ADCK1: variants seen among roughly 807,000 people sequenced by gnomAD.
ADCK1 encodes the protein aarF domain containing kinase 1.
Under a neutral mutation model 52.3 loss-of-function variants are expected in ADCK1, and 41 were observed. The ratio of observed to expected loss-of-function variants is 0.78; its 90% CI spans 0.61 to 1.02. The LOEUF (loss-of-function observed/expected upper bound fraction) is 1.02, where lower values mean the gene tolerates loss of function less well. ADCK1 is among the 50% of genes least tolerant of loss of function. The pLI, the probability that ADCK1 is intolerant of heterozygous loss-of-function variation, is 0.00. For synonymous variants in ADCK1, 250 were observed against 274.6 expected (o/e 0.91, Z 0.89); for missense variants, 658 against 679.5 (o/e 0.97, Z 0.35).
chr14:77,802,248 A>G (rs2081125384), intron 1 of ADCK1, among the ~76,000 whole-genome samples: 1 of 151,818 alleles, frequency 6.6e-6, no homozygotes, highest in South Asian at 2.1e-4. Context: ...TGAGTTAATG[A>G]GCTAATAAGT....
intron 5 of ADCK1, 66 bp from the exon 6 acceptor site, chr14:77,899,032 AGG>A: frequency 6.3e-7 from 1 of 1,591,876 alleles, no homozygotes. Flanking sequence ...AGAACCAGGC[AGG>A]AAGGTAGGGA....
chr14:77,828,206 C>T (rs111515268), intron 3 of ADCK1, among the ~76,000 whole-genome samples: 1 of 152,094 alleles, frequency 6.6e-6, no homozygotes, highest in Non-Finnish European at 1.5e-5. Context: ...TCAGGTGATT[C>T]ACCTGCCTTG....
intron 6 of ADCK1, among the ~76,000 whole-genome samples, chr14:77,906,733 A>G (rs1285869160): frequency 1.3e-5 from 2 of 152,160 alleles, no homozygotes; most frequent in Non-Finnish European, 2.9e-5. Flanking sequence ...TCACATTCAC[A>G]TTCACTTTCG....
intron 1 of ADCK1, among the ~76,000 whole-genome samples, chr14:77,814,695 CA>C (rs995163952): frequency 0.032 from 1,134 of 35,918 alleles, 9 homozygotes; most frequent in African/African-American, 0.1. Context: ...AAGACACTCT[CA>C]AAAAAAAAAA....
chr14:77,917,435 G>A (rs756439799), intron 7 of ADCK1, among the ~76,000 whole-genome samples: 8 of 152,022 alleles, frequency 5.3e-5, no homozygotes, highest in Non-Finnish European at 1.0e-4. Flanking sequence ...CACCCCCCAG[G>A]AACATGAATA....
chr14:77,881,482 T>C (rs1196644201), intron 4 of ADCK1, among the ~76,000 whole-genome samples: 1 of 152,214 alleles, frequency 6.6e-6, no homozygotes, highest in African/African-American at 2.4e-5. Context: ...GGGAGGGGAA[T>C]AGGTGCCCCC....
At chr14:77,843,516 A>T (rs1287199691) in intron 3 of ADCK1, among the ~76,000 whole-genome samples, 1 of 152,148 alleles carries the variant, frequency 6.6e-6, no homozygotes, top group Non-Finnish European at 1.5e-5. Context: ...TCCCAAATGG[A>T]TGCTTTCCAG....
chr14:77,867,519 A>G (rs755900539), intron 4 of ADCK1, among the ~76,000 whole-genome samples: 14 of 152,232 alleles, frequency 9.2e-5, no homozygotes, highest in Non-Finnish European at 1.9e-4. Flanking sequence ...ATTTTTATCA[A>G]TTATGAGAGA....
chr14:77,924,409 A>T (rs371646066), intron 7 of ADCK1, 48 bp from the exon 8 acceptor site: 1 of 1,605,034 alleles, frequency 6.2e-7, no homozygotes, highest in African/African-American at 1.3e-5. Flanking sequence ...GGTCCCTCGG[A>T]TAGATGTGAG....
At chr14:77,921,345 A>AAAAAAAAAAAAAAAG (rs2084053605) in intron 7 of ADCK1, among the ~76,000 whole-genome samples, 1 of 148,156 alleles carries the variant, frequency 6.7e-6, no homozygotes, top group Non-Finnish European at 1.5e-5. Context: ...AAAAAAAAAA[A>AAAAAAAAAAAAAAAG]AAAGAAAAAA....
chr14:77,873,481 A>C (rs2082830474), intron 4 of ADCK1, among the ~76,000 whole-genome samples: 1 of 152,206 alleles, frequency 6.6e-6, no homozygotes, highest in Non-Finnish European at 1.5e-5. Context: ...GTGTGCCTGC[A>C]TGTAACCGGG....
intron 3 of ADCK1, among the ~76,000 whole-genome samples, chr14:77,829,051 C>T (rs1318391774): frequency 1.3e-5 from 2 of 151,230 alleles, no homozygotes; most frequent in African/African-American, 2.4e-5. Context: ...CATTCTTGTA[C>T]TGAAAGATAC....
At chr14:77,819,795 C>T (rs1344744987) in intron 2 of ADCK1, among the ~76,000 whole-genome samples, 1 of 152,230 alleles carries the variant, frequency 6.6e-6, no homozygotes, top group Non-Finnish European at 1.5e-5. Context: ...GCTTGCTTTC[C>T]TCCTTTATCT....
chr14:77,841,560 C>T (rs1384241260), intron 3 of ADCK1, among the ~76,000 whole-genome samples: 2 of 151,422 alleles, frequency 1.3e-5, no homozygotes, highest in African/African-American at 2.4e-5. Flanking sequence ...CTTAGTGGTT[C>T]AGGCCTGTAA....
intron 4 of ADCK1, among the ~76,000 whole-genome samples, chr14:77,880,703 TTTC>T (rs1162407009): frequency 1.3e-5 from 2 of 152,144 alleles, no homozygotes; most frequent in African/African-American, 4.8e-5. Context: ...TTGCCGAACA[TTTC>T]TTTCAGGATT....
At chr14:77,931,277 C>A (rs575872046) in intron 9 of ADCK1, among the ~76,000 whole-genome samples, 1 of 152,234 alleles carries the variant, frequency 6.6e-6, no homozygotes, top group Non-Finnish European at 1.5e-5. Flanking sequence ...TACTGTGTCA[C>A]ATCCAACGCT....
chr14:77,806,576 C>T (rs1040204076), intron 1 of ADCK1, among the ~76,000 whole-genome samples: 12 of 152,124 alleles, frequency 7.9e-5, no homozygotes, highest in Admixed American at 1.3e-4. Context: ...GTGTGCCTTT[C>T]GTGGAGTTCT....
intron 5 of ADCK1, among the ~76,000 whole-genome samples, chr14:77,887,699 T>C (rs1031685893): frequency 2.0e-5 from 3 of 152,204 alleles, no homozygotes; most frequent in Admixed American, 6.5e-5. Flanking sequence ...TCTATGCAGG[T>C]TGCAGGTTTG....
chr14:77,840,333 T>G (rs889169502), intron 3 of ADCK1, among the ~76,000 whole-genome samples: 4 of 152,040 alleles, frequency 2.6e-5, no homozygotes, highest in Non-Finnish European at 5.9e-5. Flanking sequence ...GGAGAATTCT[T>G]TTCCTTTTTT....
Sources: allele counts gnomAD v4.1 joint callset (sites outside exome capture counted in the v4.1 genomes callset), GRCh38; gene constraint gnomAD v4.1.1; transcripts MANE v1.5; gene names NCBI Gene and HGNC (gene_info 2026-07-23, HGNC 2026-07-21).